Variants in GLCE observed in about 807,000 individuals in gnomAD.
GLCE encodes D-glucuronyl C5-epimerase.
In GLCE, 19 loss-of-function variants were observed where a neutral mutation model predicts 47.9. The observed-to-expected ratio is 0.40, with a 90% CI of 0.28 to 0.58. The LOEUF is 0.58. Among genes scored for constraint, GLCE ranks in the 20% least tolerant of loss-of-function variants. The pLI, the probability that GLCE is intolerant of heterozygous loss-of-function variation, is 0.48. For synonymous variants in GLCE, 245 were observed against 263.4 expected (o/e 0.93, Z 0.68); for missense variants, 556 against 743.3 (o/e 0.75, Z 2.93).
At chr15:69,178,136 AT>A (rs1284332659) in intron 1 of GLCE, among the ~76,000 whole-genome samples, 1 of 152,168 alleles carries the variant, frequency 6.6e-6, no homozygotes, top group Non-Finnish European at 1.5e-5. Context: ...CAGGGTAGGT[AT>A]CTGTTTTACC....
chr15:69,223,329 G>T (rs547310167), intron 2 of GLCE, among the ~76,000 whole-genome samples: 1 of 152,184 alleles, frequency 6.6e-6, no homozygotes, highest in South Asian at 2.1e-4. Flanking sequence ...CCGGATATAG[G>T]ATTCTTGTTT....
chr15:69,261,431 C>T, intron 4 of GLCE, 102 bp downstream of exon 4: 1 of 1,092,626 alleles, frequency 9.2e-7, no homozygotes, highest in Non-Finnish European at 1.3e-6. Context: ...CATAAGCAGA[C>T]CCTTTATATT....
At chr15:69,245,888 C>A (rs2052740026) in intron 2 of GLCE, among the ~76,000 whole-genome samples, 1 of 152,056 alleles carries the variant, frequency 6.6e-6, no homozygotes, top group Non-Finnish European at 1.5e-5. Context: ...ACCACCACGC[C>A]CGGCTAATTT....
In GLCE at chr15:69,260,851, G is replaced by A. The variant is rs568525033; in HGVS notation, c.587-236G>A. 5.7e-4 allele frequency: 260 copies of A among 459,086 alleles called. 1 individual carries two copies. The highest frequency in any genetic ancestry group is 9.0e-4 in the Non-Finnish European group (233 of 257,554). The allele number at this position is 459,086 out of a possible 1,614,324, so 28.4% of individuals were successfully genotyped here. ...CAGTCCTTAAAAGGTAATTTATAGC[G>A]TTGCACTATTTGTTAACAAATAATG... On this transcript the variant is annotated intron_variant, in intron 3 of 4. Coordinates refer to ENST00000261858, the MANE Select transcript of GLCE (RefSeq NM_015554.3).
chr15:69,236,067 G>A (rs969659634), intron 2 of GLCE, among the ~76,000 whole-genome samples: 1 of 152,130 alleles, frequency 6.6e-6, no homozygotes, highest in East Asian at 1.9e-4. Flanking sequence ...CTTTCACGTA[G>A]TGAAATGCTT....
chr15:69,170,987 T>G (rs1385122356), intron 1 of GLCE, among the ~76,000 whole-genome samples: 5 of 152,350 alleles, frequency 3.3e-5, no homozygotes, highest in African/African-American at 1.2e-4. Context: ...ACTTTATTCT[T>G]AAGCATTTTA....
At chr15:69,228,105 C>T (rs1366751413) in intron 2 of GLCE, among the ~76,000 whole-genome samples, 1 of 152,170 alleles carries the variant, frequency 6.6e-6, no homozygotes, top group Non-Finnish European at 1.5e-5. Context: ...TCTTTCTCTA[C>T]TGAAGTATTA....
At chr15:69,161,748 C>G (rs746426685) in intron 1 of GLCE, among the ~76,000 whole-genome samples, 29 of 152,222 alleles carry the variant, frequency 1.9e-4, no homozygotes, top group Admixed American at 1.4e-3. Context: ...TTCTCTGCCC[C>G]GGGATCCCTG....
intron 2 of GLCE, among the ~76,000 whole-genome samples, chr15:69,241,357 A>G (rs1043214934): frequency 1.3e-5 from 2 of 152,302 alleles, no homozygotes; most frequent in Admixed American, 1.3e-4. Context: ...TACCCTTCTA[A>G]AAGAATTATT....
intron 1 of GLCE, among the ~76,000 whole-genome samples, chr15:69,161,494 G>A (rs2140317943): frequency 6.6e-6 from 1 of 152,164 alleles, no homozygotes; most frequent in Admixed American, 6.5e-5. Flanking sequence ...CAGTCTTTTG[G>A]GGGCGACGGG....
chr15:69,229,109 C>A (rs1412006465), intron 2 of GLCE, among the ~76,000 whole-genome samples: 1 of 151,908 alleles, frequency 6.6e-6, no homozygotes, highest in East Asian at 1.9e-4. Context: ...TAATATCAGG[C>A]AAAGTAGACA....
intron 2 of GLCE, among the ~76,000 whole-genome samples, chr15:69,236,015 A>T (rs1282555262): frequency 6.6e-6 from 1 of 152,190 alleles, no homozygotes; most frequent in African/African-American, 2.4e-5. Flanking sequence ...AGAATGTCAC[A>T]TAAATGAAAT....
intron 1 of GLCE, among the ~76,000 whole-genome samples, chr15:69,198,347 A>G (rs1289443430): frequency 6.6e-6 from 1 of 152,156 alleles, no homozygotes; most frequent in African/African-American, 2.4e-5. Flanking sequence ...AAACATAGCC[A>G]CTCAAAACAC....
chr15:69,257,926 C>G (rs2052951570), intron 3 of GLCE, among the ~76,000 whole-genome samples: 1 of 151,654 alleles, frequency 6.6e-6, no homozygotes, highest in Non-Finnish European at 1.5e-5. Context: ...TACCCATAAC[C>G]ACTATTAATA....
chr15:69,268,234 G>T lies in GLCE; in HGVS notation c.844G>T (p.Val282Leu), dbSNP rs749491129. The change falls in exon 5 of 5, where the codon GTA becomes TTA. Residue 282 changes from valine to leucine, a missense_variant. Physicochemically the swap from Val to Leu is conservative, Grantham distance 32. Coordinates refer to ENST00000261858, the MANE Select transcript of GLCE (RefSeq NM_015554.3). ...QFIAPETSEG[V>L]SLQLGNTKDF... ...CTCCCCTACAGAAACCAGTGAAGGT[G>T]TATCCTTGCAACTGGGAAACACAAA... is the stretch of plus-strand genomic sequence containing the variant. 6.2e-7 allele frequency: 1 copy of T among 1,603,518 alleles called. No individual in the cohort carries two copies. Among genetic ancestry groups the T allele is most frequent in the Non-Finnish European group, 8.5e-7 (1 of 1,174,400 alleles).
At chr15:69,197,695 C>G (rs1354176030) in intron 1 of GLCE, among the ~76,000 whole-genome samples, 1 of 152,040 alleles carries the variant, frequency 6.6e-6, no homozygotes, top group Non-Finnish European at 1.5e-5. Context: ...AGTTGGTAGA[C>G]AGATGGGATG....
At chr15:69,189,158 T>C (rs756647824) in intron 1 of GLCE, among the ~76,000 whole-genome samples, 6 of 152,114 alleles carry the variant, frequency 3.9e-5, no homozygotes, top group Non-Finnish European at 7.4e-5. Flanking sequence ...ATAGTTCCAC[T>C]CTCCTAAAAA....
intron 1 of GLCE, among the ~76,000 whole-genome samples, chr15:69,185,684 A>C (rs545043076): frequency 2.9e-4 from 44 of 152,158 alleles, no homozygotes; most frequent in African/African-American, 1.1e-3. Context: ...TCATCAATAC[A>C]GAAGAAGACT....
chr15:69,266,936 A>G (rs1448064319), intron 4 of GLCE: 1 of 152,376 alleles, frequency 6.6e-6, no homozygotes, highest in African/African-American at 2.4e-5. Context: ...CAGAAGATTA[A>G]GTATCAAGTG....
Sources: gnomAD v4.1 joint callset for allele counts (sites outside exome capture counted in the v4.1 genomes callset) on GRCh38, gnomAD v4.1.1 for gene constraint, MANE v1.5 for transcripts, NCBI Gene and HGNC (gene_info 2026-07-23, HGNC 2026-07-21) for gene names.